GTF3C1: variants seen among roughly 807,000 people sequenced by gnomAD.
GTF3C1 encodes the protein general transcription factor 3C polypeptide 1.
In GTF3C1, 57 loss-of-function variants were observed where a neutral mutation model predicts 226.7. The observed-to-expected ratio is 0.25, with a 90% CI of 0.20 to 0.31. GTF3C1 has a LOEUF of 0.31. Among genes scored for constraint, GTF3C1 ranks in the 10% least tolerant of loss-of-function variants. The pLI is 1.00. For missense variants in GTF3C1, 2,217 were observed against 2,776.1 expected, an observed-to-expected ratio of 0.80 and a Z score of 4.53; for synonymous variants, 1,090 against 1,084.8, an observed-to-expected ratio of 1.00 and a Z score of -0.09.
In GTF3C1 at chr16:27,464,676, C is replaced by A. The variant is rs1479499090; in HGVS notation, c.5516G>T (p.Gly1839Val). 1 of 1,559,162 alleles carries A rather than the reference C, an allele frequency of 6.4e-7. No individual in the cohort carries two copies. Among genetic ancestry groups the A allele is most frequent in the Admixed American group, 2.1e-5 (1 of 48,614 alleles). Residue 1839 changes from glycine (G) to valine (V), a missense_variant, in exon 34 of 37, where the codon GGG becomes GTG. Around this residue, in one of 12 missense-constraint regions of GTF3C1, gnomAD observed 455 missense variants for 441.9 expected, o/e 1.03. Coordinates refer to ENST00000356183, the MANE Select transcript of GTF3C1 (RefSeq NM_001520.4). ...GGGGGGGCTGTCCTCACTGGAAGACCCCTCCAGGGGTCTGGCCTGGGGGTC... is the reference window on the plus strand; with the variant it reads ...GGGGGGGCTGTCCTCACTGGAAGACACCTCCAGGGGTCTGGCCTGGGGGTC... ...REDPQARPLE[G>V]SSSEDSPPEG...
Position 27,507,928 on chromosome 16 carries a change from A to G in GTF3C1, c.1242+612T>C, listed in dbSNP as rs2088511857. 1.3e-5 allele frequency among the ~76,000 whole-genome samples: 2 copies of G among 152,254 alleles called. No homozygotes were observed. The highest frequency in any genetic ancestry group is 6.5e-5 in the Admixed American group (1 of 15,286). On this transcript the variant is annotated intron_variant, in intron 8 of 36. Coordinates refer to ENST00000356183, the MANE Select transcript of GTF3C1 (RefSeq NM_001520.4). The surrounding 1 kb of genome is among the most constrained non-coding windows in gnomAD (Gnocchi z 4.9). ...ACCCTGGAGAGCACTGCTTTGTCTG[A>G]AGCACGTGGACAGAGAGTGGCCAGC...
At chr16:27,531,140 TAATA>T (rs2088910963) in intron 5 of GTF3C1, among the ~76,000 whole-genome samples, 1 of 152,124 alleles carries the variant, frequency 6.6e-6, no homozygotes, top group Admixed American at 6.6e-5. Flanking sequence ...CACCCCTGGC[TAATA>T]ACTTCTTCAT....
intron 32 of GTF3C1, among the ~76,000 whole-genome samples, chr16:27,466,586 C>T (rs756882233): frequency 6.6e-6 from 1 of 152,166 alleles, no homozygotes; most frequent in Non-Finnish European, 1.5e-5. Flanking sequence ...AAGAGTTGGA[C>T]ATCTCTCACT....
intron 1 of GTF3C1, among the ~76,000 whole-genome samples, chr16:27,548,139 T>C (rs1490107129): frequency 1.3e-5 from 2 of 152,242 alleles, no homozygotes; most frequent in East Asian, 3.8e-4. Context: ...AGCACAGTCC[T>C]AGCTATTCCT....
chr16:27,507,197 C>CATACCCACA lies in GTF3C1; in HGVS notation c.1243-42_1243-41insTGTGGGTAT. 1 of 1,423,620 alleles carries CATACCCACA rather than the reference C, an allele frequency of 7.0e-7. No homozygotes were observed. The highest frequency in any genetic ancestry group is 2.3e-5 in the East Asian group (1 of 43,598). 88.2% of individuals were successfully genotyped at this position (1,423,620 alleles called of 1,614,324 possible). ...TGTGTTTATCCCACTGCAAAGAGGG[C>CATACCCACA]GTCATACCCACAGGGGTTCAGGTGG... On this transcript the variant is annotated intron_variant, in intron 8 of 36. Transcript: ENST00000356183. This position sits in a 1 kb window ranked among gnomAD's most constrained non-coding sequence, Gnocchi z 4.9.
rs2088499958 is a variant in GTF3C1, at chr16:27,507,221, G to A, written c.1243-65C>T. ...GCGTCATACCCACAGGGGTTCAGGT[G>A]GTCTGTGGCATCTATTTCCTTATTG... On this transcript the variant is annotated intron_variant, in intron 8 of 36. Coordinates refer to ENST00000356183, the MANE Select transcript of GTF3C1 (RefSeq NM_001520.4). This position sits in a 1 kb window ranked among gnomAD's most constrained non-coding sequence, Gnocchi z 4.9. 9 of 1,207,140 alleles carry A rather than the reference G, an allele frequency of 7.5e-6. No homozygotes were observed. In the South Asian group the frequency reaches 8.5e-5, roughly 11 times the overall value. 74.8% of individuals were successfully genotyped at this position (1,207,140 alleles called of 1,614,324 possible).
At chr16:27,476,700 C>T (rs931563536) in intron 28 of GTF3C1, among the ~76,000 whole-genome samples, 156 bp from the exon 29 acceptor site, 1 of 152,226 alleles carries the variant, frequency 6.6e-6, no homozygotes. Flanking sequence ...GGTTTCTAGG[C>T]TTTACTAACA....
At chr16:27,505,675 A>T (rs1356665621) in intron 10 of GTF3C1, among the ~76,000 whole-genome samples, 2 of 152,368 alleles carry the variant, frequency 1.3e-5, no homozygotes, top group Non-Finnish European at 1.5e-5. Context: ...TGAATAAGCC[A>T]CTGGGTGGAT....
At chr16:27,468,699 C>T (rs567144260) in intron 32 of GTF3C1, among the ~76,000 whole-genome samples, 133 of 152,262 alleles carry the variant, frequency 8.7e-4, no homozygotes, top group Non-Finnish European at 9.8e-4. Flanking sequence ...GAGTTTGAAA[C>T]CAGCCTGGGC....
At chr16:27,490,172 C>G (rs1371173071) in intron 19 of GTF3C1, among the ~76,000 whole-genome samples, 2 of 152,176 alleles carry the variant, frequency 1.3e-5, no homozygotes, top group Non-Finnish European at 2.9e-5. Flanking sequence ...CCTGTACAGA[C>G]AGATTGCTGA....
Position 27,494,873 on chromosome 16 carries a change from G to C in GTF3C1, c.2668C>G (p.Pro890Ala). The C allele has an allele frequency of 6.2e-7, 1 of 1,613,536 alleles. No homozygotes were observed. The highest frequency in any genetic ancestry group is 1.7e-5 in the Admixed American group (1 of 60,030). Residue 890 changes from proline (P) to alanine (A), a missense_variant, in exon 16 of 37, where the codon CCC becomes GCC. Transcript: ENST00000356183. ...AAGTCCCTGTGGACTGGGATTGGGG[G>C]GATGTAGCGCATCCACGAGGCATCG... is the stretch of plus-strand genomic sequence containing the variant. ...VDDASWMRYI[P>A]PIPVHRDFGF...
chr16:27,510,692 G>A (rs2088559846), intron 7 of GTF3C1, among the ~76,000 whole-genome samples: 1 of 152,222 alleles, frequency 6.6e-6, no homozygotes, highest in African/African-American at 2.4e-5. Context: ...CAGATCCCTT[G>A]CAGCCACTTC....
chr16:27,465,123 G>T (rs1365252682), intron 33 of GTF3C1, 137 bp downstream of exon 33: 4 of 784,266 alleles, frequency 5.1e-6, no homozygotes, highest in Non-Finnish European at 8.3e-6. Flanking sequence ...CAGTTTTCAA[G>T]TGTTAATGAC....
At chr16:27,513,638 C>T (rs542683887) in intron 6 of GTF3C1, among the ~76,000 whole-genome samples, 42 of 152,100 alleles carry the variant, frequency 2.8e-4, no homozygotes, top group Non-Finnish European at 5.3e-4. Flanking sequence ...CTAAAGCCTC[C>T]GGAAGGAACA....
Position 27,507,486 on chromosome 16 carries a change from G to A in GTF3C1, c.1243-330C>T, listed in dbSNP as rs2088504224. On this transcript the variant is annotated intron_variant, in intron 8 of 36. Transcript: ENST00000356183. The surrounding 1 kb of genome is among the most constrained non-coding windows in gnomAD (Gnocchi z 4.9). ...GACAGGACGTGGCCCACACAAAATG[G>A]ACAGTACGCAGCAAGCATTTGTGAT... 6.6e-6 allele frequency among the ~76,000 whole-genome samples: 1 copy of A among 152,158 alleles called. No individual in the cohort carries two copies. The highest frequency in any genetic ancestry group is 6.5e-5 in the Admixed American group (1 of 15,278).
chr16:27,484,501 G>C (rs1458661986), intron 24 of GTF3C1, 148 bp from the exon 25 acceptor site: 1 of 617,016 alleles, frequency 1.6e-6, no homozygotes, highest in East Asian at 2.8e-5. Flanking sequence ...ATATTTACTG[G>C]GCCCACCATG....
At chr16:27,542,366 G>A (rs2089097499) in intron 2 of GTF3C1, among the ~76,000 whole-genome samples, 1 of 152,158 alleles carries the variant, frequency 6.6e-6, no homozygotes, top group Admixed American at 6.5e-5. Flanking sequence ...TTCAAGACCA[G>A]TCTGGTCAAC....
In GTF3C1 at chr16:27,467,749, A is replaced by T. The variant is rs190874227; in HGVS notation, c.5074+1542T>A. On this transcript the variant is annotated intron_variant, in intron 32 of 36. Transcript: ENST00000356183. ...GCCGGGTGTGTTGGTGGGCACCTGTAATTCCAGCTACTCGGGAGGCTGAGC... is the reference window on the plus strand; with the variant it reads ...GCCGGGTGTGTTGGTGGGCACCTGTTATTCCAGCTACTCGGGAGGCTGAGC... Among the ~76,000 whole-genome samples the T allele has an allele frequency of 4.2e-3, 632 of 152,276 alleles. 3 individuals carry two copies. The highest frequency in any genetic ancestry group is 6.4e-3 in the Non-Finnish European group (436 of 68,028).
chr16:27,533,815 G>A (rs191493798), intron 4 of GTF3C1, among the ~76,000 whole-genome samples: 3 of 152,180 alleles, frequency 2.0e-5, no homozygotes, highest in Admixed American at 1.3e-4. Context: ...AGGCCAGCCT[G>A]GCCAACATGG....
Sources: gnomAD v4.1 joint callset for allele counts (sites outside exome capture counted in the v4.1 genomes callset) on GRCh38, gnomAD v4.1.1 for gene constraint, gnomAD v4.1.1 regional missense constraint, Gnocchi (gnomAD v3.1) non-coding constraint, MANE v1.5 for transcripts, NCBI Gene and HGNC (gene_info 2026-07-23, HGNC 2026-07-21) for gene names.